PTPN4: variants seen among roughly 807,000 people sequenced by gnomAD.
The protein encoded by PTPN4 is protein tyrosine phosphatase non-receptor type 4.
PTPN4 carries 49 observed loss-of-function variants against 135.5 expected under a neutral mutation model. The ratio of observed to expected loss-of-function variants is 0.36; its 90% CI spans 0.29 to 0.46. The LOEUF is 0.46. Ranked by LOEUF, PTPN4 falls within the 20% of genes least tolerant of loss-of-function variation. The pLI is 1.00. For missense variants in PTPN4, 860 were observed against 1,101.0 expected (o/e 0.78, Z 3.10); for synonymous variants, 333 against 369.9 (o/e 0.90, Z 1.14).
chr2:119,895,231 G>C (rs1228916227), intron 9 of PTPN4, among the ~76,000 whole-genome samples: 2 of 152,148 alleles, frequency 1.3e-5, no homozygotes, highest in Non-Finnish European at 2.9e-5. Flanking sequence ...ATTAACGGCT[G>C]TCTCCACCGT....
chr2:119,867,256 T>G (rs536509858), intron 3 of PTPN4, among the ~76,000 whole-genome samples: 1 of 152,110 alleles, frequency 6.6e-6, no homozygotes, highest in African/African-American at 2.4e-5. Context: ...ATCCCTGTGG[T>G]TATAGTGTAG....
Position 119,977,159 on chromosome 2 carries a change from T to TAA in PTPN4, c.*90_*91insAA. The TAA allele has an allele frequency of 4.4e-6, 6 of 1,358,086 alleles. No homozygotes were observed. In the South Asian group the frequency reaches 8.0e-5, roughly 18 times the overall value. The allele number at this position is 1,358,086 out of a possible 1,614,324, so 84.1% of individuals were successfully genotyped here. A position where few individuals can be genotyped will look rare whatever the true frequency, so the allele number is the denominator to read the frequency against. The stretch of plus-strand genomic sequence containing the variant: ...ATGCTGCTCGCAGGAAATGGCATTT[T>TAA]ACAAAAAAAAAATGAAGAACTCAAA... On this transcript the variant is annotated 3_prime_UTR_variant, in exon 27 of 27. Transcript: ENST00000263708.
chr2:119,943,494 G>T (rs181160596), intron 15 of PTPN4, among the ~76,000 whole-genome samples: 1 of 151,532 alleles, frequency 6.6e-6, no homozygotes, highest in African/African-American at 2.4e-5. Context: ...TCCCAGACTG[G>T]TAGCATTCCC....
At chr2:119,807,587 C>T (rs1691496224) in intron 1 of PTPN4, among the ~76,000 whole-genome samples, 1 of 152,162 alleles carries the variant, frequency 6.6e-6, no homozygotes. Flanking sequence ...TAATTAATAG[C>T]CTACCGACCA....
At chr2:119,898,848 C>T (rs1454244770) in intron 9 of PTPN4, among the ~76,000 whole-genome samples, 1 of 152,154 alleles carries the variant, frequency 6.6e-6, no homozygotes, top group Non-Finnish European at 1.5e-5. Context: ...TGAGTTCCTA[C>T]ATATTTCTGA....
At chr2:119,834,214 A>G (rs1424785354) in intron 2 of PTPN4, among the ~76,000 whole-genome samples, 1 of 152,124 alleles carries the variant, frequency 6.6e-6, no homozygotes, top group African/African-American at 2.4e-5. Context: ...GAAATATATA[A>G]TACTTGTTTT....
At chr2:119,807,670 T>C (rs928314300) in intron 1 of PTPN4, among the ~76,000 whole-genome samples, 5 of 152,234 alleles carry the variant, frequency 3.3e-5, no homozygotes, top group Admixed American at 3.3e-4. Flanking sequence ...GTACCATTCC[T>C]TCTGAAACTA....
At chr2:119,908,296 T>C (rs1212325952) in intron 10 of PTPN4, among the ~76,000 whole-genome samples, 2 of 152,166 alleles carry the variant, frequency 1.3e-5, no homozygotes, top group Non-Finnish European at 1.5e-5. Context: ...AAAAAAGACA[T>C]GCAAATGGTC....
At chr2:119,888,268 G>T (rs909069092) in intron 9 of PTPN4, among the ~76,000 whole-genome samples, 16 of 151,918 alleles carry the variant, frequency 1.1e-4, no homozygotes, top group African/African-American at 2.4e-4. Context: ...GTTTTTTTTA[G>T]ATATAAGATC....
intron 1 of PTPN4, among the ~76,000 whole-genome samples, chr2:119,789,780 T>G (rs938110307): frequency 6.6e-6 from 1 of 152,190 alleles, no homozygotes; most frequent in Admixed American, 6.5e-5. Flanking sequence ...TGGAGTGCAG[T>G]GGTGTGATCT....
chr2:119,762,035 T>A (rs1208506464), intron 1 of PTPN4, among the ~76,000 whole-genome samples: 1 of 152,178 alleles, frequency 6.6e-6, no homozygotes, highest in Non-Finnish European at 1.5e-5. Flanking sequence ...CTAGTAACAT[T>A]GTTACTTTAA....
At chr2:119,821,093 AT>A (rs34372928) in intron 2 of PTPN4, among the ~76,000 whole-genome samples, 28,899 of 122,248 alleles carry the variant, frequency 0.24, 2,276 homozygotes, top group African/African-American at 0.31. Flanking sequence ...TCTATCCATA[AT>A]TTTTTTTTTT....
intron 13 of PTPN4, among the ~76,000 whole-genome samples, chr2:119,930,625 G>A: frequency 6.6e-6 from 1 of 151,992 alleles, no homozygotes. Context: ...ATAACAATTT[G>A]TTCAGTTCTC....
chr2:119,856,216 C>A (rs1468528369), intron 2 of PTPN4, among the ~76,000 whole-genome samples: 1 of 152,198 alleles, frequency 6.6e-6, no homozygotes, highest in Non-Finnish European at 1.5e-5. Context: ...TAGGGCTTCT[C>A]ATCCTTTTAG....
At chr2:119,973,968 G>T (rs1199838557) in intron 26 of PTPN4, among the ~76,000 whole-genome samples, 1 of 151,842 alleles carries the variant, frequency 6.6e-6, no homozygotes. Flanking sequence ...TTATTAGCTG[G>T]ACTACTTCTT....
chr2:119,918,114 G>C (rs1043556536), intron 11 of PTPN4, among the ~76,000 whole-genome samples: 5 of 152,156 alleles, frequency 3.3e-5, no homozygotes, highest in Non-Finnish European at 7.4e-5. Context: ...AACTATATAT[G>C]TTAGTGCAAA....
intron 24 of PTPN4, among the ~76,000 whole-genome samples, chr2:119,963,535 A>T (rs1679402003): frequency 6.6e-6 from 1 of 152,202 alleles, no homozygotes; most frequent in South Asian, 2.1e-4. Context: ...AGCCTTTGGA[A>T]ATGAGAACTC....
chr2:119,827,242 C>T (rs1018674302), intron 2 of PTPN4, among the ~76,000 whole-genome samples: 15 of 152,098 alleles, frequency 9.9e-5, no homozygotes, highest in African/African-American at 3.6e-4. Context: ...ATCAACAAAC[C>T]GATTCACAAA....
chr2:119,782,919 G>T (rs985834893), intron 1 of PTPN4, among the ~76,000 whole-genome samples: 1 of 150,764 alleles, frequency 6.6e-6, no homozygotes, highest in Admixed American at 6.6e-5. Flanking sequence ...TGTTCCCCAG[G>T]CTGGTCTTCA....
Sources: gnomAD v4.1 joint callset for allele counts (sites outside exome capture counted in the v4.1 genomes callset) on GRCh38, gnomAD v4.1.1 for gene constraint, MANE v1.5 for transcripts, NCBI Gene and HGNC (gene_info 2026-07-23, HGNC 2026-07-21) for gene names.